Variants in KIAA1549L observed in about 807,000 individuals in gnomAD.
The protein encoded by KIAA1549L is UPF0606 protein KIAA1549L.
Under a neutral mutation model 160.7 loss-of-function variants are expected in KIAA1549L, and 88 were observed. That is an observed-to-expected ratio of 0.55 (90% CI 0.46 to 0.65). The LOEUF is 0.65. Among genes scored for constraint, KIAA1549L ranks in the 30% least tolerant of loss-of-function variants. The pLI, the probability that KIAA1549L is intolerant of heterozygous loss-of-function variation, is 0.00. For synonymous variants in KIAA1549L, 950 were observed against 976.7 expected, an observed-to-expected ratio of 0.97 and a Z score of 0.51; for missense variants, 2,258 against 2,437.5, an observed-to-expected ratio of 0.93 and a Z score of 1.55.
chr11:33,480,098 A>G (rs1328297007), intron 1 of KIAA1549L, among the ~76,000 whole-genome samples: 1 of 152,134 alleles, frequency 6.6e-6, no homozygotes, highest in East Asian at 1.9e-4. Flanking sequence ...TTGAGATATA[A>G]CCCAAATACA....
In KIAA1549L at chr11:33,645,667, G is replaced by A; in HGVS notation, c.5410-19G>A. On this transcript the variant is annotated intron_variant, in intron 16 of 20. Coordinates refer to ENST00000658780, the MANE Select transcript of KIAA1549L (RefSeq NM_012194.3). ...GGAAGGAAAGTAAACACATCAATGG[G>A]CTTTGTTTCCTCCCACAGACTGAGC... The A allele has an allele frequency of 6.3e-7, 1 of 1,577,492 alleles. No homozygotes were observed. Among genetic ancestry groups the A allele is most frequent in the Middle Eastern group, 1.7e-4 (1 of 5,988 alleles).
intron 17 of KIAA1549L, among the ~76,000 whole-genome samples, chr11:33,653,587 T>C (rs1474504130): frequency 6.6e-6 from 1 of 152,230 alleles, no homozygotes; most frequent in Non-Finnish European, 1.5e-5. Flanking sequence ...TGTTTTACTT[T>C]ATTGATCCTA....
intron 11 of KIAA1549L, among the ~76,000 whole-genome samples, chr11:33,589,068 G>GA (rs1306011696): frequency 6.6e-6 from 1 of 151,958 alleles, no homozygotes; most frequent in Non-Finnish European, 1.5e-5. Context: ...AAATTTACAA[G>GA]AAAAAAACAA....
intron 1 of KIAA1549L, among the ~76,000 whole-genome samples, chr11:33,388,941 G>C (rs1033366840): frequency 2.6e-5 from 4 of 152,136 alleles, no homozygotes; most frequent in Non-Finnish European, 5.9e-5. Context: ...CCTCAACATA[G>C]GCCAAGGTCG....
At chr11:33,530,002 G>T (rs1853702388) in intron 1 of KIAA1549L, among the ~76,000 whole-genome samples, 1 of 152,010 alleles carries the variant, frequency 6.6e-6, no homozygotes, top group South Asian at 2.1e-4. Context: ...CCTTTTAAAG[G>T]TATGGTATTT....
At chr11:33,655,452 A>G (rs1852031962) in intron 17 of KIAA1549L, among the ~76,000 whole-genome samples, 1 of 152,210 alleles carries the variant, frequency 6.6e-6, no homozygotes, top group Non-Finnish European at 1.5e-5. Flanking sequence ...CTCCCTTGAG[A>G]GAAAGTAAAA....
intron 1 of KIAA1549L, among the ~76,000 whole-genome samples, chr11:33,422,895 T>C (rs554072505): frequency 1.3e-5 from 2 of 152,284 alleles, no homozygotes; most frequent in South Asian, 4.1e-4. Context: ...GTGTATGTGA[T>C]CATAGCCCCT....
At chr11:33,508,061 A>C (rs1565163074) in intron 1 of KIAA1549L, among the ~76,000 whole-genome samples, 1 of 152,214 alleles carries the variant, frequency 6.6e-6, no homozygotes. Flanking sequence ...TGCTGTAGCC[A>C]GGGTCCCCAG....
rs1554976198 is a variant in KIAA1549L at position 33,430,041 on chromosome 11, T to TCCTC, written c.238+53155_238+53156insCCCT. ...TTCCTTCCTTCCTTCCTTCCTTCCTTCCTTCCTCCCTTCCCTCTCTCCTCC... is the reference window on the plus strand; with the variant it reads ...TTCCTTCCTTCCTTCCTTCCTTCCTTCCTCCCTTCCTCCCTTCCCTCTCTCCTCC... On this transcript the variant is annotated intron_variant, in intron 1 of 20. Coordinates refer to ENST00000658780, the MANE Select transcript of KIAA1549L (RefSeq NM_012194.3). Among the ~76,000 whole-genome samples, 24 of 140,502 alleles carry TCCTC rather than the reference T, an allele frequency of 1.7e-4. 1 individual carries two copies. The highest frequency in any genetic ancestry group is 6.1e-4 in the African/African-American group (22 of 35,900). 92.2% of individuals were successfully genotyped at this position (140,502 alleles called of 152,430 possible). A position where few individuals can be genotyped will look rare whatever the true frequency, so the allele number is the denominator to read the frequency against.
At chr11:33,645,528 C>T (rs193168705) in intron 16 of KIAA1549L, among the ~76,000 whole-genome samples, 158 bp from the exon 17 acceptor site, 1 of 152,122 alleles carries the variant, frequency 6.6e-6, no homozygotes, top group Non-Finnish European at 1.5e-5. Context: ...GCTGAGTACC[C>T]CAGTAGTGTG....
chr11:33,655,339 A>T (rs573538109), intron 17 of KIAA1549L, among the ~76,000 whole-genome samples: 1 of 152,344 alleles, frequency 6.6e-6, no homozygotes, highest in African/African-American at 2.4e-5. Context: ...GAAGAGGTCC[A>T]GAAAGGTCAC....
chr11:33,465,220 C>G (rs1852030428), intron 1 of KIAA1549L, among the ~76,000 whole-genome samples: 1 of 151,868 alleles, frequency 6.6e-6, no homozygotes, highest in African/African-American at 2.4e-5. Flanking sequence ...CCATGCCTTG[C>G]TATTTTGTAT....
In KIAA1549L at chr11:33,542,422, A is replaced by T. The variant is rs572428675; in HGVS notation, c.859A>T (p.Ile287Leu). The T allele has an allele frequency of 6.4e-7, 1 of 1,571,238 alleles. No homozygotes were observed. The highest frequency in any genetic ancestry group is 1.3e-5 in the African/African-American group (1 of 74,170). ...APADPSLGQN[I>L]ANPLIPFSDE... ...AGCCGACCCCTCTTTAGGTCAGAAC[A>T]TAGCTAATCCCTTAATCCCATTTTC... Residue 287 changes from isoleucine to leucine, a missense_variant, in exon 2 of 21, where the codon ATA becomes TTA. This residue lies in a region of KIAA1549L where 540 missense variants were observed against 465.7 expected (regional missense o/e 1.16). Transcript: ENST00000658780.
At chr11:33,658,074 C>A (rs1003243898) in intron 18 of KIAA1549L, among the ~76,000 whole-genome samples, 3 of 152,342 alleles carry the variant, frequency 2.0e-5, no homozygotes, top group African/African-American at 7.2e-5. Flanking sequence ...TTTGGAAAAA[C>A]CAGGAGATGC....
chr11:33,650,488 A>C (rs1190810729), intron 17 of KIAA1549L, among the ~76,000 whole-genome samples: 1 of 152,158 alleles, frequency 6.6e-6, no homozygotes, highest in East Asian at 1.9e-4. Flanking sequence ...GGGGACCTAC[A>C]TGATGTTGGG....
At chr11:33,631,499 G>A (rs566088252) in intron 16 of KIAA1549L, among the ~76,000 whole-genome samples, 3,038 of 152,268 alleles carry the variant, frequency 0.02, 121 homozygotes, top group African/African-American at 0.07. Context: ...ACGTTACAGG[G>A]TTTTTAGCAG....
intron 11 of KIAA1549L, among the ~76,000 whole-genome samples, 196 bp from the exon 12 acceptor site, chr11:33,591,041 T>C (rs940932453): frequency 3.3e-5 from 5 of 152,358 alleles, no homozygotes; most frequent in Middle Eastern, 3.4e-3. Flanking sequence ...CTGTAGAGAT[T>C]CTGTAGCTGG....
rs1386443875 is a variant in KIAA1549L at position 33,604,222 on chromosome 11, C to A, written c.4880-2419C>A. Among the ~76,000 whole-genome samples the A allele has an allele frequency of 3.3e-5, 5 of 152,272 alleles. No homozygotes were observed. In the East Asian group the frequency reaches 9.6e-4, roughly 29 times the overall value. ...GAATTTAGGACTGGTTTAGCTGGGTCATTCTGGCTCAGGGTCTCATGAGGT... is the reference window on the plus strand; with the variant it reads ...GAATTTAGGACTGGTTTAGCTGGGTAATTCTGGCTCAGGGTCTCATGAGGT... On this transcript the variant is annotated intron_variant, in intron 13 of 20. Coordinates refer to ENST00000658780, the MANE Select transcript of KIAA1549L (RefSeq NM_012194.3).
intron 1 of KIAA1549L, among the ~76,000 whole-genome samples, chr11:33,521,156 G>A (rs1590307165): frequency 6.6e-6 from 1 of 152,284 alleles, no homozygotes; most frequent in East Asian, 1.9e-4. Context: ...AGGAAACAGA[G>A]CAAGACCCCG....
Sources: allele counts gnomAD v4.1 joint callset (sites outside exome capture counted in the v4.1 genomes callset), GRCh38; gene constraint gnomAD v4.1.1; regional missense constraint gnomAD v4.1.1; transcripts MANE v1.5; gene names NCBI Gene and HGNC (gene_info 2026-07-23, HGNC 2026-07-21).